The following KCNC2 variants were observed in gnomAD, a reference collection of about 807,000 sequenced individuals.
KCNC2 encodes the protein voltage-gated potassium channel KCNC2.
In KCNC2, 21 loss-of-function variants were observed where a neutral mutation model predicts 44.5. The ratio of observed to expected loss-of-function variants is 0.47; its 90% confidence interval spans 0.33 to 0.68. KCNC2 has a LOEUF of 0.68. Among genes scored for constraint, KCNC2 ranks in the 30% least tolerant of loss-of-function variants. The pLI is 0.01. For synonymous variants in KCNC2, 391 were observed against 339.1 expected, an observed-to-expected ratio of 1.15 and a Z score of -1.68; for missense variants, 589 against 826.2, an observed-to-expected ratio of 0.71 and a Z score of 3.52.
At chr12:75,092,893 TTGC>T (rs2137138461) in intron 2 of KCNC2, among the ~76,000 whole-genome samples, 1 of 151,740 alleles carries the variant, frequency 6.6e-6, no homozygotes, top group African/African-American at 2.4e-5. Context: ...GCTTATTATA[TTGC>T]AGTAGAAGTC....
At chr12:75,082,242 A>G (rs1299301388) in intron 2 of KCNC2, among the ~76,000 whole-genome samples, 1 of 151,922 alleles carries the variant, frequency 6.6e-6, no homozygotes, top group East Asian at 1.9e-4. Context: ...TTAAAGATGT[A>G]TAAGAAGGGA....
In KCNC2 at chr12:75,043,461, A is replaced by G. The variant is rs974983133; in HGVS notation, c.1781-220T>C. 9.8e-6 allele frequency: 13 copies of G among 1,320,518 alleles called. 1 individual carries two copies. In the Admixed American group the frequency reaches 2.8e-4, roughly 28 times the overall value. The allele number at this position is 1,320,518 out of a possible 1,614,324, so 81.8% of individuals were successfully genotyped here. On this transcript the variant is annotated intron_variant, in intron 4 of 4. Coordinates refer to ENST00000549446, the MANE Select transcript of KCNC2 (RefSeq NM_139137.4). ...CCAGCCATCACAAATTATTGTTACA[A>G]TACTTCAAAATATATTTTTTCCCAG...
At chr12:75,143,471 C>T (rs1206331898) in intron 2 of KCNC2, among the ~76,000 whole-genome samples, 3 of 152,140 alleles carry the variant, frequency 2.0e-5, no homozygotes, top group Non-Finnish European at 4.4e-5. Flanking sequence ...ACCTGACTAG[C>T]GAGGTAGACA....
At chr12:75,182,543 A>C (rs539987249) in intron 2 of KCNC2, among the ~76,000 whole-genome samples, 20 of 148,714 alleles carry the variant, frequency 1.3e-4, no homozygotes, top group African/African-American at 4.7e-4. Context: ...AAAAACAAAA[A>C]AAACAAAAAA....
At position 75,041,185 on chromosome 12, in the gene KCNC2, C is replaced by G. The variant is rs764083147; in HGVS notation, c.*1920G>C. The G allele has an allele frequency of 3.2e-5, 51 of 1,596,094 alleles. No homozygotes were observed. The highest frequency in any genetic ancestry group is 5.3e-5 in the African/African-American group (4 of 74,768). On this transcript the variant is annotated 3_prime_UTR_variant, in exon 5 of 5. Coordinates refer to ENST00000549446, the MANE Select transcript of KCNC2 (RefSeq NM_139137.4). ...TGTCCCTTTCTCAGCAGTCAATAAT[C>G]CATGATAAATTCTGTACAACACTGT...
intron 2 of KCNC2, among the ~76,000 whole-genome samples, chr12:75,159,919 C>A (rs1056489559): frequency 6.6e-6 from 1 of 151,682 alleles, no homozygotes; most frequent in Non-Finnish European, 1.5e-5. Context: ...TCTTTGAATC[C>A]CCTGTACCTG....
intron 2 of KCNC2, among the ~76,000 whole-genome samples, chr12:75,159,299 T>C (rs747506317): frequency 6.6e-6 from 1 of 151,822 alleles, no homozygotes; most frequent in Non-Finnish European, 1.5e-5. Flanking sequence ...TTTTAAACAA[T>C]GTTTAAAAAG....
intron 2 of KCNC2, among the ~76,000 whole-genome samples, chr12:75,191,643 C>T (rs1318594437): frequency 1.4e-5 from 2 of 145,476 alleles, no homozygotes; most frequent in Admixed American, 6.9e-5. Context: ...CTCCGCTTCC[C>T]GGGTTCACGC....
chr12:75,195,107 T>C (rs532824643), intron 2 of KCNC2, among the ~76,000 whole-genome samples: 1 of 152,312 alleles, frequency 6.6e-6, no homozygotes, highest in South Asian at 2.1e-4. Context: ...GATTTCTACA[T>C]GGGACAGGCA....
chr12:75,127,530 A>C (rs1019735547), intron 2 of KCNC2, among the ~76,000 whole-genome samples: 2 of 152,182 alleles, frequency 1.3e-5, no homozygotes, highest in Non-Finnish European at 2.9e-5. Context: ...TCCCATTGCC[A>C]AACTGAACAG....
chr12:75,061,566 TACAC>T (rs59052402), intron 2 of KCNC2, among the ~76,000 whole-genome samples: 11,086 of 143,256 alleles, frequency 0.077, 543 homozygotes, highest in East Asian at 0.23. Context: ...AAGTGACAAG[TACAC>T]ACACACACAC....
rs202015132 is a variant in KCNC2 at position 75,209,463 on chromosome 12, G to T, written c.-276C>A. ...GGATTTGCCAGTCGCCAACCTCCGC[G>T]CCCAGAGTCACCATCGCGCAGGGTT... is the stretch of plus-strand genomic sequence containing the variant. On this transcript the variant is annotated 5_prime_UTR_variant, in exon 1 of 5. Transcript: ENST00000549446. The T allele has an allele frequency of 1.3e-5, 2 of 152,188 alleles. No individual in the cohort carries two copies. Among genetic ancestry groups the T allele is most frequent in the Non-Finnish European group, 2.9e-5 (2 of 68,076 alleles). 9.4% of individuals were successfully genotyped at this position (152,188 alleles called of 1,614,324 possible).
intron 2 of KCNC2, among the ~76,000 whole-genome samples, chr12:75,204,487 T>A (rs1309311016): frequency 6.6e-6 from 1 of 152,026 alleles, no homozygotes; most frequent in East Asian, 1.9e-4. Flanking sequence ...TATAATGAGT[T>A]GAAAAGGGAA....
At position 75,137,834 on chromosome 12, in the gene KCNC2, C is replaced by T. The variant is rs182747377; in HGVS notation, c.687+69463G>A. Among the ~76,000 whole-genome samples the T allele has an allele frequency of 6.1e-4, 93 of 152,308 alleles. No homozygotes were observed. In the Middle Eastern group the frequency reaches 0.01, roughly 17 times the overall value. On this transcript the variant is annotated intron_variant, in intron 2 of 4. Coordinates refer to ENST00000549446, the MANE Select transcript of KCNC2 (RefSeq NM_139137.4). ...TTCTTCAGCCTGGGAAGGAACAGCG[C>T]ATCAGTACCTCTGATTTAACCTTGA...
intron 2 of KCNC2, among the ~76,000 whole-genome samples, chr12:75,112,060 A>G (rs56803992): frequency 0.079 from 12,020 of 151,990 alleles, 771 homozygotes; most frequent in African/African-American, 0.17. Context: ...TAATTTTTAA[A>G]TATCTTTTTA....
chr12:75,142,562 G>A (rs1015319435), intron 2 of KCNC2, among the ~76,000 whole-genome samples: 1 of 152,146 alleles, frequency 6.6e-6, no homozygotes, highest in African/African-American at 2.4e-5. Flanking sequence ...TGTAGTTTGA[G>A]GAGGAACAGA....
At chr12:75,152,427 T>A (rs1235192237) in intron 2 of KCNC2, among the ~76,000 whole-genome samples, 1 of 151,884 alleles carries the variant, frequency 6.6e-6, no homozygotes, top group African/African-American at 2.4e-5. Context: ...AGAAAATAAT[T>A]GTCAACATAC....
At chr12:75,096,238 G>A (rs923442211) in intron 2 of KCNC2, among the ~76,000 whole-genome samples, 3 of 151,936 alleles carry the variant, frequency 2.0e-5, no homozygotes, top group Non-Finnish European at 4.4e-5. Context: ...ACAACTACAG[G>A]AGATTCAATT....
chr12:75,157,084 C>A (rs542180862), intron 2 of KCNC2, among the ~76,000 whole-genome samples: 8 of 152,030 alleles, frequency 5.3e-5, no homozygotes, highest in African/African-American at 1.4e-4. Context: ...ATTCTCCCTT[C>A]TTCCTCACTG....
Sources: allele counts gnomAD v4.1 joint callset (sites outside exome capture counted in the v4.1 genomes callset), GRCh38; gene constraint gnomAD v4.1.1; transcripts MANE v1.5; gene names NCBI Gene and HGNC (gene_info 2026-07-23, HGNC 2026-07-21).